The following PLCH1 variants were observed in gnomAD, a reference collection of about 807,000 sequenced individuals.
PLCH1 encodes phospholipase C eta 1.
PLCH1 carries 60 observed loss-of-function variants against 126.7 expected under a neutral mutation model. That is an observed-to-expected ratio of 0.47 (90% CI 0.38 to 0.59). The LOEUF is 0.59. Among genes scored for constraint, PLCH1 ranks in the 20% least tolerant of loss-of-function variants. The pLI is 0.00. For synonymous variants in PLCH1, 719 were observed against 734.9 expected (o/e 0.98, Z 0.35); for missense variants, 1,723 against 2,040.0 (o/e 0.84, Z 2.99).
In PLCH1 at chr3:155,722,337, T is replaced by C. The variant is rs982149897; in HGVS notation, c.-40-18073A>G. 3.9e-5 allele frequency among the ~76,000 whole-genome samples: 6 copies of C among 152,050 alleles called. No homozygotes were observed. The East Asian group carries it at 9.7e-4, about 25-fold the overall frequency. ...ACCACCACGCCCAGCTAATTTTGTA[T>C]TTTCAGTAGAGACGGGATTTCTCCA... On this transcript the variant is annotated intron_variant, in intron 1 of 22. Transcript: ENST00000460012.
intron 1 of PLCH1, among the ~76,000 whole-genome samples, chr3:155,714,120 C>T (rs926271953): frequency 5.3e-5 from 8 of 152,178 alleles, no homozygotes; most frequent in South Asian, 2.1e-4. Context: ...TCCTGTACTT[C>T]GGCCTCTGAC....
At chr3:155,471,202 C>T (rs1375611347) in intron 21 of PLCH1, among the ~76,000 whole-genome samples, 3 of 152,136 alleles carry the variant, frequency 2.0e-5, no homozygotes, top group African/African-American at 7.2e-5. Context: ...CAGACACACA[C>T]ATAGGCTCAA....
chr3:155,481,773 T>C lies in PLCH1; in HGVS notation c.4253A>G (p.Asp1418Gly), dbSNP rs571631591. ...ATAAGAAATACTTTGAGTTTTGACA[T>C]CTTGAATATTGTTGAATATTTCAGG... ...SVPEIFNNIQ[D>G]VKTQSISYLA... Residue 1418 changes from aspartate to glycine, a missense_variant, in exon 23 of 23, where the codon GAT (aspartate) becomes GGT (glycine). This residue lies in a region of PLCH1 where 947 missense variants were observed against 977.1 expected (regional missense o/e 0.97). Coordinates refer to ENST00000460012, the MANE Select transcript of PLCH1 (RefSeq NM_014996.4). The surrounding 1 kb of genome is among the most constrained non-coding windows in gnomAD (Gnocchi z 4.2). 10 of 1,613,990 alleles carry C rather than the reference T, an allele frequency of 6.2e-6. No homozygotes were observed. The highest frequency in any genetic ancestry group is 1.3e-5 in the African/African-American group (1 of 74,930).
downstream of PLCH1, among the ~76,000 whole-genome samples, chr3:155,475,513 G>A (rs1474526359): frequency 6.6e-6 from 1 of 151,502 alleles, no homozygotes; most frequent in African/African-American, 2.4e-5. Context: ...AATTACAAAG[G>A]ATCAATAAAA....
chr3:155,600,287 C>T (rs943909867), intron 2 of PLCH1, among the ~76,000 whole-genome samples: 1 of 152,188 alleles, frequency 6.6e-6, no homozygotes, highest in Admixed American at 6.5e-5. Context: ...AGATCATTTA[C>T]GTGTCAGCAC....
rs1487371824 is a variant in PLCH1, at chr3:155,535,679, A to T, written c.1363-11675T>A. ...ACACGCCTGACCCTGCATCCAACTG[A>T]TGGTCTTTCTCTACCCACCGTGGTA... is the stretch of plus-strand genomic sequence containing the variant. On this transcript the variant is annotated intron_variant, in intron 10 of 22. Coordinates refer to ENST00000460012, the MANE Select transcript of PLCH1 (RefSeq NM_014996.4). Among the ~76,000 whole-genome samples the T allele has an allele frequency of 9.2e-5, 14 of 152,258 alleles. No individual in the cohort carries two copies. The East Asian group carries it at 2.3e-3, about 25-fold the overall frequency.
chr3:155,667,903 T>TAAA (rs35373040), intron 2 of PLCH1, among the ~76,000 whole-genome samples: 5 of 75,584 alleles, frequency 6.6e-5, no homozygotes, highest in Non-Finnish European at 9.2e-5. Context: ...CATCTCTACT[T>TAAA]AAAAAAAAAA....
chr3:155,545,848 T>C (rs911166413), intron 10 of PLCH1, among the ~76,000 whole-genome samples: 3 of 152,206 alleles, frequency 2.0e-5, no homozygotes, highest in African/African-American at 7.2e-5. Flanking sequence ...AGCTTCATGC[T>C]AAAAACTCTC....
At chr3:155,684,185 C>A (rs1482659820) in intron 2 of PLCH1, among the ~76,000 whole-genome samples, 1 of 152,186 alleles carries the variant, frequency 6.6e-6, no homozygotes, top group African/African-American at 2.4e-5. Context: ...CCCCCTACCC[C>A]CTTATCCAGC....
intron 14 of PLCH1, among the ~76,000 whole-genome samples, chr3:155,498,076 G>A (rs567274005): frequency 5.3e-5 from 8 of 152,248 alleles, no homozygotes; most frequent in Middle Eastern, 3.4e-3. Flanking sequence ...GTCCTGCTCC[G>A]TCCCACTCTG....
chr3:155,579,787 T>C (rs1421225886), intron 6 of PLCH1, among the ~76,000 whole-genome samples: 2 of 152,162 alleles, frequency 1.3e-5, no homozygotes, highest in Admixed American at 1.3e-4. Flanking sequence ...GGCATTTAAA[T>C]AGAATAGATA....
At chr3:155,483,878 T>C (rs984535025) in intron 22 of PLCH1, among the ~76,000 whole-genome samples, 2 of 152,190 alleles carry the variant, frequency 1.3e-5, no homozygotes, top group Non-Finnish European at 2.9e-5. Flanking sequence ...ATTATTTTAA[T>C]AATTTAATGC....
chr3:155,670,365 A>G (rs1309053987), intron 2 of PLCH1, among the ~76,000 whole-genome samples: 2 of 152,230 alleles, frequency 1.3e-5, no homozygotes, highest in Non-Finnish European at 2.9e-5. Context: ...CCTCCCTGAT[A>G]AAACTGAAAA....
intron 10 of PLCH1, among the ~76,000 whole-genome samples, chr3:155,539,986 GTATAA>G (rs1462702006): frequency 6.6e-6 from 1 of 151,342 alleles, no homozygotes; most frequent in African/African-American, 2.4e-5. Flanking sequence ...TGACTTCAAA[GTATAA>G]TATAAGACCA....
chr3:155,465,551 T>C (rs948177238), intron 21 of PLCH1, among the ~76,000 whole-genome samples: 3 of 151,952 alleles, frequency 2.0e-5, no homozygotes, highest in African/African-American at 7.2e-5. Context: ...TTCAGAGCAT[T>C]ACCAGCTGTG....
Position 155,583,594 on chromosome 3 carries a change from A to G in PLCH1, c.649T>C (p.Cys217Arg), listed in dbSNP as rs773235882. 8 of 1,600,714 alleles carry G rather than the reference A, an allele frequency of 5.0e-6. No homozygotes were observed. The South Asian group carries it at 9.1e-5, about 18-fold the overall frequency. The change falls in exon 6 of 23, where the codon TGT becomes CGT. Residue 217 changes from cysteine (C) to arginine (R), a missense_variant. Cys to Arg is a radical substitution (Grantham distance 180, BLOSUM62 -3). Transcript: ENST00000460012. Reference sequence around the variant, plus strand: ...AAAGACATCATTTTGTAAAAAACACAGAACTCTTCAAATGTCAAAGTTCCC... The same window carrying G: ...AAAGACATCATTTTGTAAAAAACACGGAACTCTTCAAATGTCAAAGTTCCC... ...NQGTLTFEEF[C>R]VFYKMMSLRR...
At chr3:155,458,199 G>A (rs965839830) in intron 21 of PLCH1, among the ~76,000 whole-genome samples, 6 of 151,582 alleles carry the variant, frequency 4.0e-5, no homozygotes, top group Non-Finnish European at 7.4e-5. Context: ...AAAATTAGTG[G>A]GGCGTAGTAG....
At chr3:155,614,168 A>G (rs1560248998) in intron 2 of PLCH1, among the ~76,000 whole-genome samples, 2 of 152,222 alleles carry the variant, frequency 1.3e-5, no homozygotes, top group South Asian at 2.1e-4. Flanking sequence ...AAATGGAAAC[A>G]CATTCCATGC....
At chr3:155,654,300 A>G (rs1741111373) in intron 2 of PLCH1, among the ~76,000 whole-genome samples, 1 of 151,888 alleles carries the variant, frequency 6.6e-6, no homozygotes, top group Non-Finnish European at 1.5e-5. Context: ...GACTCAGCCT[A>G]TGACCTTCTT....
Sources: gnomAD v4.1 joint callset for allele counts (sites outside exome capture counted in the v4.1 genomes callset) on GRCh38, gnomAD v4.1.1 for gene constraint, gnomAD v4.1.1 regional missense constraint, Gnocchi (gnomAD v3.1) non-coding constraint, MANE v1.5 for transcripts, NCBI Gene and HGNC (gene_info 2026-07-23, HGNC 2026-07-21) for gene names.